Variants in RLN2 observed in about 807,000 individuals in gnomAD.
RLN2 encodes the protein prorelaxin H2.
RLN2 carries 10 observed loss-of-function variants against 7.3 expected under a neutral mutation model. The observed-to-expected ratio is 1.36, with a 90% CI of 0.84 to 2.31. The LOEUF (loss-of-function observed/expected upper bound fraction) is 2.31. Among genes scored for constraint, RLN2 ranks in the 30% most tolerant of loss-of-function variants. The probability of loss-of-function intolerance (pLI) is 0.00; values close to 1 mark genes in which losing one functional copy is unlikely to be tolerated. For synonymous variants in RLN2, 103 were observed against 82.3 expected (o/e 1.25, Z -1.36); for missense variants, 298 against 217.6 (o/e 1.37, Z -2.32).
At chr9:5,302,990 G>C (rs6476960) in intron 1 of RLN2, among the ~76,000 whole-genome samples, 66,084 of 116,366 alleles carry the variant, frequency 0.57, 20,154 homozygotes, top group African/African-American at 0.78. Flanking sequence ...CATTTTTCAC[G>C]CTGCATTAAT....
the RLN2 span, among the ~76,000 whole-genome samples, chr9:5,329,023 G>T: frequency 5.9e-5 from 9 of 151,940 alleles, no homozygotes. Context: ...AACTGCATCG[G>T]CCGGGTGCGG....
the RLN2 span, among the ~76,000 whole-genome samples, chr9:5,325,870 A>T: frequency 6.6e-6 from 1 of 152,000 alleles, no homozygotes. Flanking sequence ...TTTCCTTCCC[A>T]AAGGCGATGT....
the RLN2 span, among the ~76,000 whole-genome samples, chr9:5,321,094 T>C: frequency 9.7e-4 from 147 of 152,278 alleles, 1 homozygote; most frequent in African/African-American, 3.2e-3. Flanking sequence ...TAAAGCAGAA[T>C]TTTTGAAAAT....
the RLN2 span, among the ~76,000 whole-genome samples, chr9:5,310,636 A>G: frequency 6.6e-6 from 1 of 151,924 alleles, no homozygotes; most frequent in African/African-American, 2.4e-5. Context: ...ACTCTTTTTG[A>G]ACTATTTTTA....
chr9:5,337,507 G>C, the RLN2 span, among the ~76,000 whole-genome samples: 1 of 151,924 alleles, frequency 6.6e-6, no homozygotes, highest in Admixed American at 6.6e-5. Context: ...GGTTTAAAGC[G>C]GATCTTATTT....
At chr9:5,305,646 G>A (rs1377129039), upstream of RLN2, among the ~76,000 whole-genome samples, 3 of 151,940 alleles carry the variant, frequency 2.0e-5, no homozygotes, top group Non-Finnish European at 4.4e-5. Flanking sequence ...TTTAGTACAA[G>A]TAGGTTCATT....
the RLN2 span, among the ~76,000 whole-genome samples, chr9:5,326,114 T>C: frequency 3.2e-3 from 493 of 152,250 alleles, 5 homozygotes; most frequent in African/African-American, 0.011. Flanking sequence ...AGAAACCTTG[T>C]TACAGTTTAA....
chr9:5,305,420 G>T (rs553880203), upstream of RLN2, among the ~76,000 whole-genome samples: 1 of 150,854 alleles, frequency 6.6e-6, no homozygotes, highest in South Asian at 2.1e-4. Context: ...GAGAGAGAGA[G>T]AGAGAGAAGA....
At chr9:5,311,817 GTATT>G in the RLN2 span, 42 of 637,258 alleles carry the variant, frequency 6.6e-5, no homozygotes, top group East Asian at 3.7e-4. Context: ...TTTTTTTTTA[GTATT>G]TTTTTTCTTT....
intron 1 of RLN2, among the ~76,000 whole-genome samples, chr9:5,301,799 C>CA (rs1471220479): frequency 2.0e-5 from 3 of 151,310 alleles, no homozygotes; most frequent in Admixed American, 6.6e-5. Context: ...TTCTAGCCAA[C>CA]AAAAAAATTC....
the RLN2 span, among the ~76,000 whole-genome samples, chr9:5,337,682 T>A: frequency 0.42 from 63,426 of 151,694 alleles, 13,642 homozygotes; most frequent in Non-Finnish European, 0.44. Context: ...GATTCCTACC[T>A]AGTAACGGTA....
chr9:5,302,441 C>T (rs530410719), intron 1 of RLN2, among the ~76,000 whole-genome samples: 30 of 152,282 alleles, frequency 2.0e-4, no homozygotes, highest in Admixed American at 1.6e-3. Flanking sequence ...TAGCAACTAC[C>T]TAACAGTAGA....
the RLN2 span, among the ~76,000 whole-genome samples, chr9:5,326,941 A>G: frequency 1.2e-4 from 19 of 152,070 alleles, no homozygotes; most frequent in Non-Finnish European, 2.4e-4. Context: ...AAATGGCCCA[A>G]TAGGAACAGC....
chr9:5,335,324 C>G, the RLN2 span: 2 of 1,611,834 alleles, frequency 1.2e-6, no homozygotes, highest in Non-Finnish European at 1.7e-6. Flanking sequence ...CACGTAGGGT[C>G]GTCTCTTTTT....
In RLN2 at chr9:5,300,347, A is replaced by C. The variant is rs569797856; in HGVS notation, c.309T>G (p.Ser103=). 6.2e-7 allele frequency: 1 copy of C among 1,613,966 alleles called. No individual in the cohort carries two copies. Among genetic ancestry groups the C allele is most frequent in the African/African-American group, 1.3e-5 (1 of 75,050 alleles). ...GCTGTGGTAATGCTGGCTGCATCTCAGACAGGGTTAACTTCAGCTCCTGTG... is the reference window on the plus strand; with the variant it reads ...GCTGTGGTAATGCTGGCTGCATCTCCGACAGGGTTAACTTCAGCTCCTGTG... ...NLPQELKLTL[S]EMQPALPQLQ... is the part of the protein sequence containing the mutation. The change falls in exon 2 of 2, where the codon TCT becomes TCG. Residue 103 remains serine, a synonymous_variant. Transcript: ENST00000381627.
At chr9:5,335,445 A>G in the RLN2 span, 1 of 1,613,776 alleles carries the variant, frequency 6.2e-7, no homozygotes, top group Non-Finnish European at 8.5e-7. Flanking sequence ...CTAAGATTGG[A>G]ATCCTTTAAT....
At chr9:5,330,660 AAAG>A in the RLN2 span, among the ~76,000 whole-genome samples, 8 of 150,304 alleles carry the variant, frequency 5.3e-5, no homozygotes, top group South Asian at 4.2e-4. Context: ...AAAAAAGAAA[AAAG>A]AAGAAGAAGA....
chr9:5,301,220 G>T (rs1425623752), intron 1 of RLN2, among the ~76,000 whole-genome samples: 2 of 152,166 alleles, frequency 1.3e-5, no homozygotes, highest in Non-Finnish European at 1.5e-5. Context: ...CAAGATCTGT[G>T]TGTCTCCTAG....
the RLN2 span, among the ~76,000 whole-genome samples, chr9:5,319,282 G>T: frequency 6.6e-6 from 1 of 151,920 alleles, no homozygotes; most frequent in Non-Finnish European, 1.5e-5. Flanking sequence ...ACTTCCTGAT[G>T]AACTGAGGGT....
Sources: gnomAD v4.1 joint callset for allele counts (sites outside exome capture counted in the v4.1 genomes callset) on GRCh38, gnomAD v4.1.1 for gene constraint, MANE v1.5 for transcripts, NCBI Gene and HGNC (gene_info 2026-07-23, HGNC 2026-07-21) for gene names.